GRM7: variants seen among roughly 807,000 people sequenced by gnomAD.
GRM7 encodes the protein metabotropic glutamate receptor 7.
A neutral mutation model predicts 84.5 loss-of-function variants in GRM7; 35 were observed. The ratio of observed to expected loss-of-function variants is 0.41; its 90% CI spans 0.32 to 0.55. The LOEUF (loss-of-function observed/expected upper bound fraction) is 0.55. Ranked by LOEUF, GRM7 falls within the 20% of genes least tolerant of loss-of-function variation. The probability of loss-of-function intolerance (pLI) is 0.19; values close to 1 mark genes in which losing one functional copy is unlikely to be tolerated. For missense variants in GRM7, 1,003 were observed against 1,194.6 expected, an observed-to-expected ratio of 0.84 and a Z score of 2.36; for synonymous variants, 487 against 455.1, an observed-to-expected ratio of 1.07 and a Z score of -0.89.
At chr3:7,679,345 T>A (rs6782528) in intron 8 of GRM7, among the ~76,000 whole-genome samples, 64,518 of 151,900 alleles carry the variant, frequency 0.42, 14,136 homozygotes, top group East Asian at 0.79. Flanking sequence ...GGACAATTAG[T>A]CTAAAACAGT....
At chr3:7,348,525 C>A (rs1692991746) in intron 4 of GRM7, among the ~76,000 whole-genome samples, 2 of 151,962 alleles carry the variant, frequency 1.3e-5, no homozygotes, top group Admixed American at 6.6e-5. Context: ...GCTGCTTTAC[C>A]AAATAGACCC....
intron 4 of GRM7, among the ~76,000 whole-genome samples, chr3:7,310,716 A>G (rs1700360372): frequency 6.6e-6 from 1 of 152,220 alleles, no homozygotes; most frequent in African/African-American, 2.4e-5. Context: ...TGTCACTTGC[A>G]ACCCAGACTA....
chr3:6,962,178 T>C (rs1693328169), intron 1 of GRM7, among the ~76,000 whole-genome samples: 1 of 152,214 alleles, frequency 6.6e-6, no homozygotes, highest in Non-Finnish European at 1.5e-5. Context: ...TTGTACTTGT[T>C]TGTCTACTCC....
At position 6,943,225 on chromosome 3, in the gene GRM7, T is replaced by C. The variant is rs527814116; in HGVS notation, c.519+81318T>C. 2.6e-5 allele frequency among the ~76,000 whole-genome samples: 4 copies of C among 151,976 alleles called. No homozygotes were observed. In the South Asian group the frequency reaches 8.3e-4, roughly 32 times the overall value. On this transcript the variant is annotated intron_variant, in intron 1 of 9. Coordinates refer to ENST00000357716, the MANE Select transcript of GRM7 (RefSeq NM_000844.4). ...TTTTCAGTTGTGATAAAGTCTAATT[T>C]ATATATATTTTTTCTTTTATGGACC...
chr3:7,336,312 CA>C lies in GRM7; in HGVS notation c.1033+29669del, dbSNP rs1209909420. On this transcript the variant is annotated intron_variant, in intron 4 of 9. Transcript: ENST00000357716. ...AAAATTCATATGGTCATCTCAATTGCAAAAAAAAAGCACTTGGCAAAATCCA... is the reference window on the plus strand; with the variant it reads ...AAAATTCATATGGTCATCTCAATTGCAAAAAAAAGCACTTGGCAAAATCCA... Among the ~76,000 whole-genome samples, 6 of 149,410 alleles carry C rather than the reference CA, an allele frequency of 4.0e-5. No homozygotes were observed. In the East Asian group the frequency reaches 1.2e-3, roughly 29 times the overall value.
At chr3:7,262,419 A>C (rs1185119507) in intron 2 of GRM7, among the ~76,000 whole-genome samples, 1 of 152,080 alleles carries the variant, frequency 6.6e-6, no homozygotes, top group Non-Finnish European at 1.5e-5. Flanking sequence ...TGCATTATGA[A>C]ATTCTTACAG....
intron 8 of GRM7, among the ~76,000 whole-genome samples, chr3:7,610,354 C>T (rs545449630): frequency 6.6e-6 from 1 of 152,266 alleles, no homozygotes; most frequent in South Asian, 2.1e-4. Context: ...CAGCTCATTA[C>T]CAGGCATTGC....
In GRM7 at chr3:7,039,030, C is replaced by A. The variant is rs922849879; in HGVS notation, c.520-107422C>A. Among the ~76,000 whole-genome samples, 16 of 152,258 alleles carry A rather than the reference C, an allele frequency of 1.1e-4. No individual in the cohort carries two copies. In the Middle Eastern group the frequency reaches 0.01, roughly 97 times the overall value. On this transcript the variant is annotated intron_variant, in intron 1 of 9. Transcript: ENST00000357716. Reference sequence around the variant, plus strand: ...ACTCGGGGAGTGGAACCCTATGGTTCAATAAGTTCTTCAGGCCATCCTGAT... The same window carrying A: ...ACTCGGGGAGTGGAACCCTATGGTTAAATAAGTTCTTCAGGCCATCCTGAT...
chr3:6,963,072 A>G (rs1016521559), intron 1 of GRM7, among the ~76,000 whole-genome samples: 17 of 152,332 alleles, frequency 1.1e-4, no homozygotes, highest in Admixed American at 2.0e-4. Flanking sequence ...TATAAATAAG[A>G]TTAAAAAAGA....
chr3:7,223,817 C>A (rs1041842603), intron 2 of GRM7, among the ~76,000 whole-genome samples: 1 of 152,174 alleles, frequency 6.6e-6, no homozygotes, highest in African/African-American at 2.4e-5. Flanking sequence ...AACTGTGGGG[C>A]AGAATCTGTA....
At chr3:7,508,807 C>T (rs897423782) in intron 7 of GRM7, among the ~76,000 whole-genome samples, 1 of 152,058 alleles carries the variant, frequency 6.6e-6, no homozygotes, top group Admixed American at 6.6e-5. Context: ...TTTTATTTAC[C>T]ATGCATTTCT....
chr3:7,189,581 C>G (rs897386998), intron 2 of GRM7, among the ~76,000 whole-genome samples: 3 of 152,160 alleles, frequency 2.0e-5, no homozygotes, highest in African/African-American at 7.2e-5. Flanking sequence ...TGGGGCTTAG[C>G]AACAGCTGAT....
chr3:7,141,539 TA>T (rs946026036), intron 1 of GRM7, among the ~76,000 whole-genome samples: 56 of 152,196 alleles, frequency 3.7e-4, no homozygotes, highest in African/African-American at 1.3e-3. Flanking sequence ...TGATTCTCAT[TA>T]AAATCTTAAT....
chr3:7,678,701 A>T (rs545156781), intron 8 of GRM7, among the ~76,000 whole-genome samples: 1 of 152,356 alleles, frequency 6.6e-6, no homozygotes, highest in Non-Finnish European at 1.5e-5. Flanking sequence ...GTTTGGAGAC[A>T]TACATATTCA....
intron 8 of GRM7, among the ~76,000 whole-genome samples, chr3:7,643,278 GTTGCAA>G (rs1475730903): frequency 8.9e-6 from 1 of 112,024 alleles, no homozygotes; most frequent in African/African-American, 3.8e-5. Flanking sequence ...CTGAGAACTG[GTTGCAA>G]CTTCAGTATT....
chr3:6,934,929 T>C (rs1697636011), intron 1 of GRM7, among the ~76,000 whole-genome samples: 1 of 152,216 alleles, frequency 6.6e-6, no homozygotes, highest in Non-Finnish European at 1.5e-5. Flanking sequence ...AATAATGGGC[T>C]AATCATCCCT....
intron 4 of GRM7, among the ~76,000 whole-genome samples, chr3:7,362,846 A>G (rs77081016): frequency 1.3e-5 from 2 of 152,120 alleles, no homozygotes; most frequent in Non-Finnish European, 2.9e-5. Context: ...TAGGGATTGC[A>G]GCTGGGCATG....
chr3:7,057,607 C>T (rs1020362469), intron 1 of GRM7, among the ~76,000 whole-genome samples: 1 of 151,868 alleles, frequency 6.6e-6, no homozygotes, highest in Non-Finnish European at 1.5e-5. Context: ...AAAATCAGTT[C>T]ATACTTCTGG....
intron 9 of GRM7, among the ~76,000 whole-genome samples, 186 bp from the exon 10 acceptor site, chr3:7,740,171 C>G (rs62233907): frequency 0.08 from 12,177 of 152,190 alleles, 635 homozygotes; most frequent in African/African-American, 0.14. Flanking sequence ...TTGAGAATCA[C>G]TGGGAACCAC....
Sources: gnomAD v4.1 joint callset for allele counts (sites outside exome capture counted in the v4.1 genomes callset) on GRCh38, gnomAD v4.1.1 for gene constraint, MANE v1.5 for transcripts, NCBI Gene and HGNC (gene_info 2026-07-23, HGNC 2026-07-21) for gene names.